ADGRL4: variants seen among roughly 807,000 people sequenced by gnomAD.
ADGRL4 encodes adhesion G protein-coupled receptor L4, also known as EGF, latrophilin and seven transmembrane domain containing 1.
A neutral mutation model predicts 74.8 loss-of-function variants in ADGRL4; 90 were observed. The ratio of observed to expected loss-of-function variants is 1.20; its 90% CI spans 1.02 to 1.43. The LOEUF (loss-of-function observed/expected upper bound fraction) is 1.43. ADGRL4 is among the 40% of genes most tolerant of loss of function. The pLI is 0.00. For missense variants in ADGRL4, 881 were observed against 814.3 expected (o/e 1.08, Z -1.00); for synonymous variants, 311 against 279.2 (o/e 1.11, Z -1.14).
intron 7 of ADGRL4, among the ~76,000 whole-genome samples, chr1:78,933,985 C>T (rs191255730): frequency 6.2e-4 from 95 of 152,188 alleles, no homozygotes; most frequent in African/African-American, 2.1e-3. Context: ...GAATCAATAT[C>T]GTGAAAATGG....
At chr1:78,904,393 A>C (rs1648586535) in intron 12 of ADGRL4, among the ~76,000 whole-genome samples, 1 of 152,102 alleles carries the variant, frequency 6.6e-6, no homozygotes, top group Non-Finnish European at 1.5e-5. Flanking sequence ...TATTTTAGTG[A>C]GAATCATATT....
chr1:78,995,157 T>C (rs977047009), intron 2 of ADGRL4, among the ~76,000 whole-genome samples: 2 of 152,114 alleles, frequency 1.3e-5, no homozygotes, highest in Non-Finnish European at 2.9e-5. Flanking sequence ...AGAGCAAATA[T>C]AAAAATCATG....
intron 2 of ADGRL4, among the ~76,000 whole-genome samples, chr1:78,988,571 G>C (rs954839575): frequency 6.6e-6 from 1 of 151,762 alleles, no homozygotes; most frequent in East Asian, 1.9e-4. Context: ...CTTTGTTCAA[G>C]ATAAAATACT....
chr1:78,997,838 A>G (rs1012367026), intron 2 of ADGRL4, among the ~76,000 whole-genome samples: 1 of 152,134 alleles, frequency 6.6e-6, no homozygotes, highest in African/African-American at 2.4e-5. Flanking sequence ...AGTAAAAGAG[A>G]TTTCAGAGTT....
At chr1:78,977,284 C>A (rs1267072314) in intron 2 of ADGRL4, among the ~76,000 whole-genome samples, 1 of 151,726 alleles carries the variant, frequency 6.6e-6, no homozygotes, top group Non-Finnish European at 1.5e-5. Context: ...CAAAGGACAT[C>A]CATCAAAAAT....
chr1:78,911,581 C>T (rs1648763378), intron 12 of ADGRL4, among the ~76,000 whole-genome samples: 1 of 143,912 alleles, frequency 6.9e-6, no homozygotes, highest in Admixed American at 7.2e-5. Context: ...AATACTGCTA[C>T]TTATTCACTA....
chr1:78,966,148 C>G (rs781541820), intron 2 of ADGRL4, among the ~76,000 whole-genome samples: 2 of 152,126 alleles, frequency 1.3e-5, no homozygotes, highest in Non-Finnish European at 2.9e-5. Flanking sequence ...GAAGCTCTGA[C>G]AGCCTGTACA....
intron 11 of ADGRL4, 65 bp from the exon 12 acceptor site, chr1:78,917,765 A>G: frequency 6.3e-7 from 1 of 1,583,044 alleles, no homozygotes; most frequent in Non-Finnish European, 8.7e-7. Flanking sequence ...TAGCAAAATT[A>G]TCAAAGAAAT....
intron 2 of ADGRL4, among the ~76,000 whole-genome samples, chr1:78,997,580 T>C (rs1001063196): frequency 2.6e-5 from 4 of 152,196 alleles, no homozygotes; most frequent in African/African-American, 9.7e-5. Context: ...TCTAAATTTT[T>C]GTAATTGTTT....
At chr1:78,914,871 C>G (rs927546114) in intron 12 of ADGRL4, among the ~76,000 whole-genome samples, 2 of 151,752 alleles carry the variant, frequency 1.3e-5, no homozygotes, top group African/African-American at 4.8e-5. Context: ...TATGGGGGAG[C>G]TGCATGATAT....
rs1450619178 is a variant in ADGRL4, at chr1:78,960,606, C to G, written c.173-14180G>C. ...TTACTGTGTGCTTCTTAATGTTTTG[C>G]AATTTTTTTAAAGTAACCTTGCAAT... On this transcript the variant is annotated intron_variant, in intron 2 of 14. Coordinates refer to ENST00000370742, the MANE Select transcript of ADGRL4 (RefSeq NM_022159.4). Among the ~76,000 whole-genome samples the G allele has an allele frequency of 4.6e-5, 7 of 152,112 alleles. No individual in the cohort carries two copies. The East Asian group carries it at 1.3e-3, about 29-fold the overall frequency.
intron 8 of ADGRL4, among the ~76,000 whole-genome samples, chr1:78,925,302 T>C (rs892743571): frequency 6.6e-6 from 1 of 152,072 alleles, no homozygotes; most frequent in African/African-American, 2.4e-5. Context: ...AAAATGGTAA[T>C]AATAGTATGT....
intron 2 of ADGRL4, among the ~76,000 whole-genome samples, chr1:78,953,070 A>C (rs1271478274): frequency 6.6e-6 from 1 of 152,210 alleles, no homozygotes; most frequent in African/African-American, 2.4e-5. Context: ...TATTAGAAAA[A>C]CAAACAAAAT....
At chr1:78,967,077 C>A (rs570226648) in intron 2 of ADGRL4, among the ~76,000 whole-genome samples, 186 of 152,140 alleles carry the variant, frequency 1.2e-3, no homozygotes, top group African/African-American at 4.3e-3. Flanking sequence ...GTGCTTGGAT[C>A]AAATATTTTT....
At chr1:78,902,276 T>C (rs1570213280) in intron 12 of ADGRL4, among the ~76,000 whole-genome samples, 2 of 152,268 alleles carry the variant, frequency 1.3e-5, no homozygotes, top group East Asian at 1.9e-4. Flanking sequence ...AATTAAAATT[T>C]TGAGTGCTGA....
At chr1:78,967,687 G>T (rs930062452) in intron 2 of ADGRL4, among the ~76,000 whole-genome samples, 1 of 152,038 alleles carries the variant, frequency 6.6e-6, no homozygotes, top group Non-Finnish European at 1.5e-5. Flanking sequence ...ATTCAAAAGG[G>T]TATTATGGTT....
chr1:78,935,046 A>C (rs1649324250), intron 7 of ADGRL4, among the ~76,000 whole-genome samples: 1 of 152,198 alleles, frequency 6.6e-6, no homozygotes, highest in South Asian at 2.1e-4. Flanking sequence ...CCACAATCCC[A>C]TTACTGGGTA....
At chr1:78,912,307 A>G (rs971064) in intron 12 of ADGRL4, among the ~76,000 whole-genome samples, 18,169 of 151,810 alleles carry the variant, frequency 0.12, 1,465 homozygotes, top group East Asian at 0.25. Flanking sequence ...CCCCAGAAAA[A>G]CTTGAAAACT....
intron 2 of ADGRL4, among the ~76,000 whole-genome samples, chr1:78,975,505 G>A (rs1175732893): frequency 6.6e-6 from 1 of 151,864 alleles, no homozygotes; most frequent in Non-Finnish European, 1.5e-5. Flanking sequence ...GGTCTTACAT[G>A]AACTCTTCAG....
Sources: allele counts gnomAD v4.1 joint callset (sites outside exome capture counted in the v4.1 genomes callset), GRCh38; gene constraint gnomAD v4.1.1; transcripts MANE v1.5; gene names NCBI Gene and HGNC (gene_info 2026-07-23, HGNC 2026-07-21).